Variants in C12orf42 observed in about 807,000 individuals in gnomAD.
C12orf42 encodes chromosome 12 open reading frame 42, also known as uncharacterized protein C12orf42.
C12orf42 carries 25 observed loss-of-function variants against 21.6 expected under a neutral mutation model. That is an observed-to-expected ratio of 1.16 (90% CI 0.84 to 1.62). The LOEUF is 1.62. C12orf42 is among the 40% of genes most tolerant of loss of function. The pLI is 0.00. For missense variants in C12orf42, 483 were observed against 459.3 expected, an observed-to-expected ratio of 1.05 and a Z score of -0.47; for synonymous variants, 174 against 175.0, an observed-to-expected ratio of 0.99 and a Z score of 0.05.
the C12orf42 span, among the ~76,000 whole-genome samples, chr12:103,189,328 G>T: frequency 6.6e-6 from 1 of 152,188 alleles, no homozygotes; most frequent in Admixed American, 6.5e-5. Flanking sequence ...GAACTGGAGA[G>T]AAATTTCTCT....
chr12:103,233,430 C>A (rs996860818), downstream of C12orf42, among the ~76,000 whole-genome samples: 2 of 152,168 alleles, frequency 1.3e-5, no homozygotes, highest in Non-Finnish European at 2.9e-5. Context: ...GACATCTTGA[C>A]AATATTGAGT....
chr12:103,150,095 A>T, the C12orf42 span, among the ~76,000 whole-genome samples: 1 of 152,328 alleles, frequency 6.6e-6, no homozygotes, highest in South Asian at 2.1e-4. Context: ...GAATTGTTAA[A>T]CCAAAAATTT....
chr12:103,281,708 T>A (rs1308148814), intron 4 of C12orf42, among the ~76,000 whole-genome samples: 1 of 151,702 alleles, frequency 6.6e-6, no homozygotes, highest in Non-Finnish European at 1.5e-5. Flanking sequence ...CAGGTTGGAG[T>A]GCAGTGGTGC....
At chr12:103,260,779 C>G (rs887488672) in intron 10 of C12orf42, among the ~76,000 whole-genome samples, 2 of 152,120 alleles carry the variant, frequency 1.3e-5, no homozygotes, top group African/African-American at 2.4e-5. Flanking sequence ...TATCCAGAAA[C>G]CATTTCCAAG....
At chr12:103,447,121 G>T (rs748589441) in intron 2 of C12orf42, among the ~76,000 whole-genome samples, 1 of 151,878 alleles carries the variant, frequency 6.6e-6, no homozygotes, top group Non-Finnish European at 1.5e-5. Flanking sequence ...GCACAAAAAA[G>T]TCTCAGTAAA....
At chr12:103,442,121 G>A (rs1248994916) in intron 2 of C12orf42, among the ~76,000 whole-genome samples, 1 of 152,150 alleles carries the variant, frequency 6.6e-6, no homozygotes, top group Non-Finnish European at 1.5e-5. Context: ...TCCAGCCTGA[G>A]TGGCAGAGAA....
the C12orf42 span, among the ~76,000 whole-genome samples, chr12:103,050,401 C>A: frequency 6.6e-6 from 1 of 152,076 alleles, no homozygotes; most frequent in Non-Finnish European, 1.5e-5. Flanking sequence ...AGGATCGCTG[C>A]AGGAAACAGA....
At chr12:103,528,741 T>C in the C12orf42 span, among the ~76,000 whole-genome samples, 65 of 152,300 alleles carry the variant, frequency 4.3e-4, no homozygotes, top group African/African-American at 1.6e-3. Flanking sequence ...ATTTGAGTTT[T>C]TTTCCTTATA....
At chr12:103,079,966 C>T in the C12orf42 span, among the ~76,000 whole-genome samples, 1 of 152,184 alleles carries the variant, frequency 6.6e-6, no homozygotes, top group Non-Finnish European at 1.5e-5. Context: ...TCCATCTAGT[C>T]TGTAATTGGA....
the C12orf42 span, among the ~76,000 whole-genome samples, chr12:103,082,294 C>T: frequency 6.6e-6 from 1 of 152,112 alleles, no homozygotes; most frequent in African/African-American, 2.4e-5. Flanking sequence ...GTTAATTATA[C>T]CAGAGTAGCA....
At chr12:103,154,745 C>T in the C12orf42 span, among the ~76,000 whole-genome samples, 4 of 152,108 alleles carry the variant, frequency 2.6e-5, no homozygotes, top group African/African-American at 7.2e-5. Context: ...GAGGAAATTC[C>T]GTTTTTTTCC....
chr12:103,359,313 C>T (rs2043873121), intron 4 of C12orf42, among the ~76,000 whole-genome samples: 1 of 151,914 alleles, frequency 6.6e-6, no homozygotes, highest in Non-Finnish European at 1.5e-5. Flanking sequence ...ATATGTGTTT[C>T]ATCAAACACA....
At chr12:103,117,456 C>A in the C12orf42 span, among the ~76,000 whole-genome samples, 1 of 152,196 alleles carries the variant, frequency 6.6e-6, no homozygotes, top group Non-Finnish European at 1.5e-5. Flanking sequence ...CAGTGTGACT[C>A]TTTGCACTTA....
the C12orf42 span, among the ~76,000 whole-genome samples, chr12:103,054,506 T>C: frequency 6.6e-6 from 1 of 151,886 alleles, no homozygotes; most frequent in East Asian, 1.9e-4. Flanking sequence ...ATTTTCCATG[T>C]AGACAATCAT....
intron 3 of C12orf42, among the ~76,000 whole-genome samples, chr12:103,391,096 A>G (rs931854507): frequency 6.6e-6 from 1 of 152,116 alleles, no homozygotes; most frequent in Non-Finnish European, 1.5e-5. Flanking sequence ...TTGGCATAAT[A>G]TTTCCATGGT....
intron 2 of C12orf42, among the ~76,000 whole-genome samples, chr12:103,449,258 A>G (rs574910501): frequency 6.6e-6 from 1 of 152,170 alleles, no homozygotes; most frequent in South Asian, 2.1e-4. Flanking sequence ...CAAACATTGT[A>G]TGTTCTCAAT....
At chr12:103,116,731 G>T in the C12orf42 span, among the ~76,000 whole-genome samples, 1 of 152,068 alleles carries the variant, frequency 6.6e-6, no homozygotes, top group Non-Finnish European at 1.5e-5. Context: ...GTCTCATTAG[G>T]TTCTTTATCT....
At chr12:103,552,762 A>G in the C12orf42 span, among the ~76,000 whole-genome samples, 4 of 152,272 alleles carry the variant, frequency 2.6e-5, no homozygotes, top group African/African-American at 7.2e-5. Flanking sequence ...CTATAAAGAC[A>G]TACCCAAGAC....
intron 4 of C12orf42, among the ~76,000 whole-genome samples, chr12:103,364,126 T>C (rs943377505): frequency 3.3e-5 from 5 of 152,006 alleles, no homozygotes; most frequent in African/African-American, 4.8e-5. Flanking sequence ...TTTAAGAAAG[T>C]TGACATTATA....
Sources: allele counts gnomAD v4.1 joint callset (sites outside exome capture counted in the v4.1 genomes callset), GRCh38; gene constraint gnomAD v4.1.1; transcripts MANE v1.5; gene names NCBI Gene and HGNC (gene_info 2026-07-23, HGNC 2026-07-21).